SPATA31H1: variants seen among roughly 807,000 people sequenced by gnomAD.
The protein encoded by SPATA31H1 is spermatogenesis-associated protein 31H1.
chr2:27,574,144 A>G, the SPATA31H1 span: 2 of 398,426 alleles, frequency 5.0e-6, no homozygotes, highest in Non-Finnish European at 8.8e-6. Flanking sequence ...AAATCTTCTG[A>G]GTCGATACCG....
the SPATA31H1 span, among the ~76,000 whole-genome samples, chr2:27,550,292 C>T: frequency 6.7e-6 from 1 of 149,338 alleles, no homozygotes; most frequent in Non-Finnish European, 1.5e-5. Context: ...GCTATATAAA[C>T]ATTACACATC....
At chr2:27,566,220 C>T in the SPATA31H1 span, 3 of 710,900 alleles carry the variant, frequency 4.2e-6, no homozygotes, top group Non-Finnish European at 7.9e-6. Flanking sequence ...AGTTAAATCT[C>T]TCTTATTGTT....
At chr2:27,567,141 C>A in the SPATA31H1 span, 40 of 671,044 alleles carry the variant, frequency 6.0e-5, no homozygotes, top group Admixed American at 3.3e-4. Flanking sequence ...TATCTGCAAA[C>A]AAAAAAGGAA....
the SPATA31H1 span, among the ~76,000 whole-genome samples, chr2:27,542,234 T>C: frequency 6.6e-6 from 1 of 151,620 alleles, no homozygotes; most frequent in Admixed American, 6.6e-5. Flanking sequence ...CCATCTCTAC[T>C]AAAAATACAA....
the SPATA31H1 span, among the ~76,000 whole-genome samples, chr2:27,558,908 AGAGGGAGAGGGAGGGG>A: frequency 5.2e-5 from 3 of 57,176 alleles, no homozygotes; most frequent in African/African-American, 7.0e-5. Flanking sequence ...AGGGAGAGGG[AGAGGGAGAGGGAGGGG>A]GAGGGAGAGG....
chr2:27,579,235 A>C, the SPATA31H1 span: 12 of 1,614,100 alleles, frequency 7.4e-6, no homozygotes, highest in African/African-American at 5.3e-5. Flanking sequence ...CCAAGAAAAT[A>C]TCTCTCCACT....
the SPATA31H1 span, chr2:27,582,658 CG>C: frequency 6.6e-5 from 59 of 895,956 alleles, no homozygotes; most frequent in Middle Eastern, 3.1e-4. Flanking sequence ...TTCTCTCTAC[CG>C]GGGGGGAGGC....
chr2:27,580,943 C>T, the SPATA31H1 span: 2,873 of 1,614,194 alleles, frequency 1.8e-3, 41 homozygotes, highest in African/African-American at 0.03. Context: ...TGCCCAAGCC[C>T]ACAGATTCCC....
the SPATA31H1 span, among the ~76,000 whole-genome samples, chr2:27,563,812 C>T: frequency 3.3e-5 from 5 of 152,004 alleles, no homozygotes; most frequent in African/African-American, 9.7e-5. Context: ...CCATCTGCCT[C>T]GGCCTCCCAA....
the SPATA31H1 span, among the ~76,000 whole-genome samples, chr2:27,543,792 G>T: frequency 2.0e-5 from 3 of 151,926 alleles, no homozygotes; most frequent in African/African-American, 7.3e-5. Flanking sequence ...CACCAGAAGG[G>T]CTCCGGGACC....
At chr2:27,576,554 C>T in the SPATA31H1 span, 85 of 1,530,956 alleles carry the variant, frequency 5.6e-5, 2 homozygotes, top group Middle Eastern at 2.3e-3. Flanking sequence ...CGAAGCCATG[C>T]TTTCAAGATG....
chr2:27,539,313 T>C, the SPATA31H1 span, among the ~76,000 whole-genome samples: 2 of 148,570 alleles, frequency 1.3e-5, no homozygotes, highest in Admixed American at 6.6e-5. Context: ...GGAGTGGTGA[T>C]GACTCTTAAC....
chr2:27,574,533 C>A, the SPATA31H1 span: 1 of 398,174 alleles, frequency 2.5e-6, no homozygotes, highest in South Asian at 1.3e-4. Flanking sequence ...CAGTTCTGGA[C>A]AACACTTTCA....
the SPATA31H1 span, among the ~76,000 whole-genome samples, chr2:27,543,917 G>A: frequency 2.6e-5 from 4 of 151,866 alleles, no homozygotes; most frequent in South Asian, 4.2e-4. Context: ...TAAAATTTTC[G>A]CAGATCTAGA....
At chr2:27,551,677 G>A in the SPATA31H1 span, among the ~76,000 whole-genome samples, 4,283 of 152,048 alleles carry the variant, frequency 0.028, 243 homozygotes, top group African/African-American at 0.098. Context: ...TTCCTCTTCA[G>A]GAAACCTCAG....
chr2:27,564,784 C>A, the SPATA31H1 span, among the ~76,000 whole-genome samples: 2 of 151,604 alleles, frequency 1.3e-5, no homozygotes, highest in Admixed American at 1.3e-4. Flanking sequence ...GCCTGGGCGA[C>A]AGAGTGAGAC....
the SPATA31H1 span, among the ~76,000 whole-genome samples, chr2:27,539,101 C>CTTTTTTTTTT: frequency 3.2e-5 from 3 of 94,642 alleles, no homozygotes; most frequent in African/African-American, 1.3e-4. Flanking sequence ...TCATCATTTT[C>CTTTTTTTTTT]TTTTTTTTTT....
At chr2:27,582,205 A>T in the SPATA31H1 span, 1 of 1,612,630 alleles carries the variant, frequency 6.2e-7, no homozygotes, top group African/African-American at 1.3e-5. Flanking sequence ...AAAACCTGTC[A>T]CAGTCCCTCT....
chr2:27,571,269 A>G, the SPATA31H1 span: 54 of 398,408 alleles, frequency 1.4e-4, no homozygotes, highest in Non-Finnish European at 2.3e-4. Context: ...TGAGTTGCTG[A>G]CTTCAGGATC....
Sources: allele counts gnomAD v4.1 joint callset (sites outside exome capture counted in the v4.1 genomes callset), GRCh38; gene constraint gnomAD v4.1.1; transcripts MANE v1.5; gene names NCBI Gene and HGNC (gene_info 2026-07-23, HGNC 2026-07-21).